OLFM1: variants seen among roughly 807,000 people sequenced by gnomAD.
OLFM1 encodes the protein noelin.
OLFM1 carries 9 observed loss-of-function variants against 49.7 expected under a neutral mutation model. That is an observed-to-expected ratio of 0.18 (90% CI 0.11 to 0.32). The LOEUF (loss-of-function observed/expected upper bound fraction) is 0.32, where lower values mean the gene tolerates loss of function less well. Among genes scored for constraint, OLFM1 ranks in the 10% least tolerant of loss-of-function variants. The probability of loss-of-function intolerance (pLI) is 1.00; values close to 1 mark genes in which losing one functional copy is unlikely to be tolerated. For missense variants in OLFM1, 369 were observed against 661.8 expected (o/e 0.56, Z 4.85); for synonymous variants, 240 against 271.8 (o/e 0.88, Z 1.15).
At chr9:135,077,099 G>A in intron 1 of OLFM1, 2 of 1,550,538 alleles carry the variant, frequency 1.3e-6, no homozygotes, top group Non-Finnish European at 1.7e-6. Flanking sequence ...GGAAGGCCTG[G>A]TGGAGGGTGG....
At chr9:135,093,576 T>C (rs1360466729) in intron 2 of OLFM1, among the ~76,000 whole-genome samples, 1 of 152,090 alleles carries the variant, frequency 6.6e-6, no homozygotes, top group African/African-American at 2.4e-5. Flanking sequence ...AGGTGTGTCT[T>C]TGTGTGTTGC....
rs1264642593 is a variant in OLFM1, at chr9:135,119,701, A to G, written c.981A>G (p.Thr327=). 3.1e-6 allele frequency: 5 copies of G among 1,614,176 alleles called. No homozygotes were observed. The highest frequency in any genetic ancestry group is 4.2e-6 in the Non-Finnish European group (5 of 1,180,042). The change falls in exon 6 of 6, where the codon ACA becomes ACG. Residue 327 remains threonine, a synonymous_variant. Transcript: ENST00000371793. ...SHIIIRFDLK[T]ETILKTRSLD... ...TCATCATCAGGTTTGACCTGAAGAC[A>G]GAGACCATCCTCAAGACCCGCAGCC...
intron 1 of OLFM1, among the ~76,000 whole-genome samples, chr9:135,078,569 C>T (rs980615112): frequency 1.3e-5 from 2 of 152,254 alleles, no homozygotes; most frequent in African/African-American, 4.8e-5. Context: ...AAAGACATTT[C>T]ACATGGTCTT....
chr9:135,087,510 G>C, upstream of OLFM1: 2 of 1,402,974 alleles, frequency 1.4e-6, no homozygotes, highest in South Asian at 1.5e-5. Context: ...ACTCCTGGGC[G>C]GACTGGAGTT....
intron 4 of OLFM1, among the ~76,000 whole-genome samples, chr9:135,104,858 A>T (rs1588215926): frequency 6.6e-6 from 1 of 151,686 alleles, no homozygotes; most frequent in Non-Finnish European, 1.5e-5. Flanking sequence ...CCTGAGCTCC[A>T]CCTCTCCGCC....
intron 1 of OLFM1, chr9:135,076,619 C>T (rs888527342): frequency 6.4e-6 from 7 of 1,087,206 alleles, no homozygotes; most frequent in South Asian, 3.5e-5. Context: ...GCCTGCCAGC[C>T]GAGGGAGCCG....
rs533840476 is a variant in OLFM1 at position 135,080,230 on chromosome 9, G to T, written c.96+4428G>T. 6.6e-6 allele frequency among the ~76,000 whole-genome samples: 1 copy of T among 152,004 alleles called. No individual in the cohort carries two copies. The highest frequency in any genetic ancestry group is 1.5e-5 in the Non-Finnish European group (1 of 68,022). ...TAAGCTTGGGCCAGGTGGTCTGGAT[G>T]AGCTGTCTTGTCCCCCTGCCAGGCC... On this transcript the variant is annotated intron_variant, in intron 1 of 5. Transcript: ENST00000252854. The surrounding 1 kb of genome is among the most constrained non-coding windows in gnomAD (Gnocchi z 4.5).
chr9:135,079,874 T>C (rs995031796), intron 1 of OLFM1, among the ~76,000 whole-genome samples: 4 of 152,034 alleles, frequency 2.6e-5, no homozygotes, highest in Non-Finnish European at 4.4e-5. Context: ...CAACCGTCAC[T>C]GTGACTGTTT....
upstream of OLFM1, among the ~76,000 whole-genome samples, chr9:135,086,207 G>A (rs370198298): frequency 6.6e-6 from 1 of 152,176 alleles, no homozygotes; most frequent in African/African-American, 2.4e-5. Flanking sequence ...TCTGTGAGCC[G>A]GGCCTGCAGT....
chr9:135,094,100 A>G (rs1426995832), intron 2 of OLFM1, among the ~76,000 whole-genome samples: 1 of 152,106 alleles, frequency 6.6e-6, no homozygotes, highest in Non-Finnish European at 1.5e-5. Context: ...GGATTTTGCC[A>G]GGAGGGGAAT....
rs1830516388 is a variant in OLFM1 at position 135,080,329 on chromosome 9, G to A, written c.96+4527G>A. Among the ~76,000 whole-genome samples, 1 of 152,094 alleles carries A rather than the reference G, an allele frequency of 6.6e-6. No individual in the cohort carries two copies. The highest frequency in any genetic ancestry group is 6.5e-5 in the Admixed American group (1 of 15,268). ...GGATACAGTGTTTGTAGAAGGGGAT[G>A]GAGTGCACGGGTAGGGGGAAGAGTT... is the stretch of plus-strand genomic sequence containing the variant. On this transcript the variant is annotated intron_variant, in intron 1 of 5. Coordinates refer to the OLFM1 transcript ENST00000252854. This position sits in a 1 kb window ranked among gnomAD's most constrained non-coding sequence, Gnocchi z 4.5.
At chr9:135,115,222 C>G (rs1831081465) in intron 5 of OLFM1, among the ~76,000 whole-genome samples, 1 of 152,238 alleles carries the variant, frequency 6.6e-6, no homozygotes, top group Non-Finnish European at 1.5e-5. Flanking sequence ...TCTTCACCTT[C>G]CTACACATTC....
At chr9:135,102,844 G>A (rs1298980553) in intron 4 of OLFM1, among the ~76,000 whole-genome samples, 30 of 152,118 alleles carry the variant, frequency 2.0e-4, no homozygotes. Flanking sequence ...CAGCCCTCCT[G>A]GTCTGTCTCC....
chr9:135,109,313 C>G (rs1444091227), intron 5 of OLFM1, among the ~76,000 whole-genome samples: 1 of 152,218 alleles, frequency 6.6e-6, no homozygotes, highest in Non-Finnish European at 1.5e-5. Flanking sequence ...TTGCACAGCG[C>G]AGCGAGGGTG....
Position 135,117,518 on chromosome 9 carries a change from G to A in OLFM1, c.784-1986G>A, listed in dbSNP as rs1239302725. On this transcript the variant is annotated intron_variant, in intron 5 of 5. Coordinates refer to ENST00000371793, the MANE Select transcript of OLFM1 (RefSeq NM_001282611.2). This position sits in a 1 kb window ranked among gnomAD's most constrained non-coding sequence, Gnocchi z 5.5. The stretch of plus-strand genomic sequence containing the variant: ...GCCCGCCCCGGTGACTTTGAGAGTC[G>A]ATCCTCACTGCAGACAACAGCTGCC... Among the ~76,000 whole-genome samples the A allele has an allele frequency of 1.3e-5, 2 of 152,202 alleles. No homozygotes were observed. The highest frequency in any genetic ancestry group is 4.8e-5 in the African/African-American group (2 of 41,462).
intron 1 of OLFM1, chr9:135,076,338 A>C (rs573117873): frequency 6.5e-7 from 1 of 1,548,428 alleles, no homozygotes; most frequent in East Asian, 2.4e-5. Context: ...AGCTGTGTGC[A>C]TTGCTGGCTT....
rs572551087 is a variant in OLFM1, at chr9:135,089,754, A to G, written c.151-441A>G. Among the ~76,000 whole-genome samples, 209 of 152,258 alleles carry G rather than the reference A, an allele frequency of 1.4e-3. 2 individuals carry two copies. The highest frequency in any genetic ancestry group is 1.9e-4 in the Non-Finnish European group (13 of 68,022). ...CGGCAGGGCGAGGCTTGGTGGTGCC[A>G]GCCACCCGTGCTTGACTTACGGGAA... On this transcript the variant is annotated intron_variant, in intron 1 of 5. Transcript: ENST00000371793.
In OLFM1 at chr9:135,098,488, C is replaced by T. The variant is rs758573673; in HGVS notation, c.659C>T (p.Ala220Val). The T allele has an allele frequency of 1.2e-6, 2 of 1,613,602 alleles. No homozygotes were observed. Among genetic ancestry groups the T allele is most frequent in the South Asian group, 2.2e-5 (2 of 91,090 alleles). The change falls in exon 4 of 6, where the codon GCA (alanine) becomes GTA (valine). Residue 220 changes from alanine to valine, a missense_variant. Transcript: ENST00000371793. This position sits in a 1 kb window ranked among gnomAD's most constrained non-coding sequence, Gnocchi z 5.6. ...RVSNLEERLR[A>V]CMQKLACGKL... is the part of the protein sequence containing the mutation. The stretch of plus-strand genomic sequence containing the variant: ...TCCAATCTTGAAGAAAGGCTCCGTG[C>T]ATGCATGCAAAAACTAGGTAGGCCC...
chr9:135,077,394 TCTC>T (rs1830481864), intron 1 of OLFM1: 1 of 860,874 alleles, frequency 1.2e-6, no homozygotes, highest in East Asian at 3.0e-5. Context: ...CTCCCTAAGT[TCTC>T]CTCTTTGTGT....
Sources: gnomAD v4.1 joint callset for allele counts (sites outside exome capture counted in the v4.1 genomes callset) on GRCh38, gnomAD v4.1.1 for gene constraint, Gnocchi (gnomAD v3.1) non-coding constraint, MANE v1.5 for transcripts, NCBI Gene and HGNC (gene_info 2026-07-23, HGNC 2026-07-21) for gene names.